The following DIP2C variants were observed in gnomAD, a reference collection of about 807,000 sequenced individuals.
The protein encoded by DIP2C is disco-interacting protein 2 homolog C.
A neutral mutation model predicts 192.4 loss-of-function variants in DIP2C; 33 were observed. The ratio of observed to expected loss-of-function variants is 0.17; its 90% CI spans 0.13 to 0.23. The LOEUF is 0.23. Among genes scored for constraint, DIP2C ranks in the 10% least tolerant of loss-of-function variants. The probability of loss-of-function intolerance (pLI) is 1.00; values close to 1 mark genes in which losing one functional copy is unlikely to be tolerated. For synonymous variants in DIP2C, 979 were observed against 864.1 expected (o/e 1.13, Z -2.33); for missense variants, 1,537 against 2,110.1 (o/e 0.73, Z 5.32).
At chr10:578,514 G>A (rs1424895965) in intron 1 of DIP2C, among the ~76,000 whole-genome samples, 1 of 152,138 alleles carries the variant, frequency 6.6e-6, no homozygotes, top group Admixed American at 6.5e-5. Context: ...TATGATGTCA[G>A]GAACACACAC....
chr10:364,361 GA>G lies in DIP2C; in HGVS notation c.2477+12del. The G allele has an allele frequency of 6.2e-7, 1 of 1,600,962 alleles. No individual in the cohort carries two copies. Among genetic ancestry groups the G allele is most frequent in the Non-Finnish European group, 8.6e-7 (1 of 1,169,422 alleles). ...CCGGAAACCATATGCTTGATTTGCA[GA>G]ACGCCACTGACCTTCCCCGGTAGAC... is the stretch of plus-strand genomic sequence containing the variant. On this transcript the variant is annotated intron_variant, in intron 20 of 36. Coordinates refer to ENST00000280886, the MANE Select transcript of DIP2C (RefSeq NM_014974.3).
At chr10:618,572 G>C (rs1342400517) in intron 1 of DIP2C, among the ~76,000 whole-genome samples, 1 of 125,450 alleles carries the variant, frequency 8.0e-6, no homozygotes, top group South Asian at 2.8e-4. Context: ...CCATCCCAAA[G>C]CTCCATGTAT....
intron 1 of DIP2C, among the ~76,000 whole-genome samples, chr10:505,804 C>T (rs1845561116): frequency 6.6e-6 from 1 of 152,038 alleles, no homozygotes; most frequent in Non-Finnish European, 1.5e-5. Context: ...GCCCCTGACA[C>T]CACAGGAGAT....
At chr10:539,287 T>C (rs1410053043) in intron 1 of DIP2C, among the ~76,000 whole-genome samples, 3 of 152,244 alleles carry the variant, frequency 2.0e-5, no homozygotes, top group African/African-American at 7.2e-5. Context: ...GGCCTGTGGA[T>C]TCAACCAACT....
rs56298679 is a variant in DIP2C, at chr10:596,496, CAAAAAAAAAAA to C, written c.85+92987_85+92997del. Reference sequence around the variant, plus strand: ...GGGCGACCAGTGCGAAACTCCATCTCAAAAAAAAAAAAAAAAAAAAAAAAAAAAAAGTATTA... The same window carrying C: ...GGGCGACCAGTGCGAAACTCCATCTCAAAAAAAAAAAAAAAAAAAGTATTA... On this transcript the variant is annotated intron_variant, in intron 1 of 36. Transcript: ENST00000280886. Among the ~76,000 whole-genome samples the C allele has an allele frequency of 1.2e-3, 64 of 52,930 alleles. 1 individual carries two copies. Among genetic ancestry groups the C allele is most frequent in the South Asian group, 7.5e-3 (7 of 930 alleles). The allele number at this position is 52,930 out of a possible 152,430, so 34.7% of individuals were successfully genotyped here. A position where few individuals can be genotyped will look rare whatever the true frequency, so the allele number is the denominator to read the frequency against.
intron 10 of DIP2C, among the ~76,000 whole-genome samples, chr10:395,880 A>G (rs1286900025): frequency 2.0e-5 from 3 of 152,284 alleles, no homozygotes; most frequent in Middle Eastern, 3.4e-3. Flanking sequence ...CAGCGTGAGA[A>G]GTCCTGGCCT....
intron 17 of DIP2C, among the ~76,000 whole-genome samples, chr10:380,715 G>C (rs995684850): frequency 1.3e-5 from 2 of 152,202 alleles, no homozygotes; most frequent in Non-Finnish European, 2.9e-5. Flanking sequence ...CCTTTAAGAA[G>C]GCATTCATTT....
intron 1 of DIP2C, among the ~76,000 whole-genome samples, chr10:616,958 C>T (rs1446629965): frequency 6.6e-6 from 1 of 152,192 alleles, no homozygotes; most frequent in Admixed American, 6.5e-5. Context: ...CAACCACCCC[C>T]CATCCCCACT....
rs192495583 is a variant in DIP2C at position 566,263 on chromosome 10, G to A, written c.86-79733C>T. Among the ~76,000 whole-genome samples the A allele has an allele frequency of 1.5e-4, 23 of 151,998 alleles. No homozygotes were observed. The East Asian group carries it at 1.5e-3, about 10-fold the overall frequency. On this transcript the variant is annotated intron_variant, in intron 1 of 36. Coordinates refer to ENST00000280886, the MANE Select transcript of DIP2C (RefSeq NM_014974.3). ...TTTTGCCCCTTTTTAAACTGTAATCGTAGTTACCATTTATTAAAAGCCTGG... is the reference window on the plus strand; with the variant it reads ...TTTTGCCCCTTTTTAAACTGTAATCATAGTTACCATTTATTAAAAGCCTGG...
At chr10:594,591 C>T (rs924725069) in intron 1 of DIP2C, among the ~76,000 whole-genome samples, 4 of 152,116 alleles carry the variant, frequency 2.6e-5, no homozygotes, top group Admixed American at 1.3e-4. Flanking sequence ...CATAAGGGAA[C>T]GTGGCTGAGT....
chr10:377,511 G>A (rs944528337), intron 17 of DIP2C, among the ~76,000 whole-genome samples: 3 of 152,244 alleles, frequency 2.0e-5, no homozygotes, highest in African/African-American at 7.2e-5. Context: ...CTACTCTGTA[G>A]TTAGAGAATT....
intron 1 of DIP2C, among the ~76,000 whole-genome samples, chr10:506,585 T>C (rs1845607407): frequency 6.6e-6 from 1 of 152,138 alleles, no homozygotes; most frequent in South Asian, 2.1e-4. Flanking sequence ...GAATCCCCAG[T>C]ACTCACATGC....
chr10:280,588 G>A (rs1954767480), intron 36 of DIP2C, among the ~76,000 whole-genome samples: 1 of 152,224 alleles, frequency 6.6e-6, no homozygotes, highest in South Asian at 2.1e-4. Context: ...ATCTCCGGCA[G>A]CACCATTGAC....
chr10:387,669 G>T (rs1963081737), intron 14 of DIP2C, 76 bp downstream of exon 14: 1 of 1,268,214 alleles, frequency 7.9e-7, no homozygotes. Context: ...ATGGGGAGGG[G>T]GACTCCTGTG....
intron 19 of DIP2C, among the ~76,000 whole-genome samples, chr10:365,941 C>CT (rs1960141112): frequency 6.6e-6 from 1 of 152,248 alleles, no homozygotes; most frequent in Non-Finnish European, 1.5e-5. Flanking sequence ...TGTAAAGGGG[C>CT]TCCACTTGGC....
intron 31 of DIP2C, among the ~76,000 whole-genome samples, chr10:318,446 C>G (rs914487082): frequency 6.6e-6 from 1 of 152,286 alleles, no homozygotes; most frequent in South Asian, 2.1e-4. Context: ...GGGGAAGTCT[C>G]GTGTCCAGGA....
At chr10:425,893 G>A (rs1003590689) in intron 4 of DIP2C, among the ~76,000 whole-genome samples, 9 of 152,182 alleles carry the variant, frequency 5.9e-5, no homozygotes, top group African/African-American at 2.2e-4. Context: ...TTCATGAAAA[G>A]CCATGGCTAA....
At position 472,516 on chromosome 10, in the gene DIP2C, G is replaced by A; in HGVS notation, c.191C>T (p.Ala64Val). 5.0e-6 allele frequency: 8 copies of A among 1,614,184 alleles called. No homozygotes were observed. Among genetic ancestry groups the A allele is most frequent in the Non-Finnish European group, 6.8e-6 (8 of 1,180,032 alleles). ...VDQALPQERR[A>V]PVTPSSASRY... Reference sequence around the variant, plus strand: ...AGAGGCGGAGGAAGGAGTGACAGGAGCCCGGCGTTCTTGCGGCAAAGCTTG... The same window carrying A: ...AGAGGCGGAGGAAGGAGTGACAGGAACCCGGCGTTCTTGCGGCAAAGCTTG... The change falls in exon 3 of 37, where the codon GCT becomes GTT. Residue 64 changes from alanine to valine, a missense_variant. Coordinates refer to ENST00000280886, the MANE Select transcript of DIP2C (RefSeq NM_014974.3).
At chr10:575,114 T>C (rs1255782373) in intron 1 of DIP2C, among the ~76,000 whole-genome samples, 1 of 152,134 alleles carries the variant, frequency 6.6e-6, no homozygotes, top group Non-Finnish European at 1.5e-5. Flanking sequence ...CTACAGCTAA[T>C]ATCACAACGT....
Sources: gnomAD v4.1 joint callset for allele counts (sites outside exome capture counted in the v4.1 genomes callset) on GRCh38, gnomAD v4.1.1 for gene constraint, MANE v1.5 for transcripts, NCBI Gene and HGNC (gene_info 2026-07-23, HGNC 2026-07-21) for gene names.